The following GUCA1C variants were observed in gnomAD, a reference collection of about 807,000 sequenced individuals.
GUCA1C encodes the protein guanylyl cyclase-activating protein 3.
Under a neutral mutation model 16.2 loss-of-function variants are expected in GUCA1C, and 15 were observed. The ratio of observed to expected loss-of-function variants is 0.93; its 90% CI spans 0.62 to 1.43. The LOEUF is 1.43. GUCA1C is among the 40% of genes most tolerant of loss of function. GUCA1C has a pLI of 0.00. For synonymous variants in GUCA1C, 78 were observed against 85.4 expected (o/e 0.91, Z 0.48); for missense variants, 275 against 244.8 (o/e 1.12, Z -0.82).
At chr3:108,925,668 G>A (rs2593975) in intron 1 of GUCA1C, among the ~76,000 whole-genome samples, 38,280 of 152,078 alleles carry the variant, frequency 0.25, 5,344 homozygotes, top group Middle Eastern at 0.36. Context: ...TAAGTTCATT[G>A]TTTCTTTGTT....
At chr3:108,928,535 T>C (rs1158990456) in intron 1 of GUCA1C, among the ~76,000 whole-genome samples, 1 of 152,242 alleles carries the variant, frequency 6.6e-6, no homozygotes, top group Admixed American at 6.5e-5. Flanking sequence ...ATCTAGATTT[T>C]CTCCTAAGTT....
chr3:108,913,666 G>A (rs1041771443), intron 3 of GUCA1C, among the ~76,000 whole-genome samples: 2 of 152,136 alleles, frequency 1.3e-5, no homozygotes, highest in African/African-American at 4.8e-5. Flanking sequence ...ACAAAAGCAA[G>A]TTCTATCAGT....
At chr3:108,935,234 C>G (rs2107303754) in intron 1 of GUCA1C, among the ~76,000 whole-genome samples, 1 of 151,954 alleles carries the variant, frequency 6.6e-6, no homozygotes, top group Non-Finnish European at 1.5e-5. Flanking sequence ...GAAAAACTAC[C>G]TATTGGGTAC....
chr3:108,935,951 A>C (rs111858350), intron 1 of GUCA1C, among the ~76,000 whole-genome samples: 9 of 152,264 alleles, frequency 5.9e-5, no homozygotes, highest in African/African-American at 2.2e-4. Context: ...ATTTGTAGGC[A>C]GGTACAAAGT....
chr3:108,943,336 C>A (rs1946807377), intron 1 of GUCA1C, among the ~76,000 whole-genome samples: 1 of 152,150 alleles, frequency 6.6e-6, no homozygotes, highest in Admixed American at 6.5e-5. Context: ...TGATTCACCT[C>A]CTGGGTAGAG....
At chr3:108,938,775 CTGT>C (rs1444639653) in intron 1 of GUCA1C, among the ~76,000 whole-genome samples, 1 of 152,220 alleles carries the variant, frequency 6.6e-6, no homozygotes, top group Non-Finnish European at 1.5e-5. Flanking sequence ...AGATCACACA[CTGT>C]TGTTCTTGAC....
intron 1 of GUCA1C, among the ~76,000 whole-genome samples, chr3:108,924,396 A>G (rs531280763): frequency 6.6e-6 from 1 of 152,170 alleles, no homozygotes; most frequent in Non-Finnish European, 1.5e-5. Context: ...GTCTATTGAC[A>G]TGATCATGTG....
chr3:108,920,749 T>C (rs1241684269), intron 1 of GUCA1C, among the ~76,000 whole-genome samples, 164 bp from the exon 2 acceptor site: 1 of 152,180 alleles, frequency 6.6e-6, no homozygotes, highest in Non-Finnish European at 1.5e-5. Context: ...AAAAAGTTTA[T>C]AGACACAAGT....
intron 1 of GUCA1C, among the ~76,000 whole-genome samples, chr3:108,935,221 G>T (rs1202257682): frequency 6.6e-6 from 1 of 151,910 alleles, no homozygotes; most frequent in African/African-American, 2.4e-5. Flanking sequence ...GGGAGCAGGT[G>T]TTGAAAAACT....
intron 1 of GUCA1C, among the ~76,000 whole-genome samples, chr3:108,933,551 G>C (rs2107301578): frequency 6.6e-6 from 1 of 152,196 alleles, no homozygotes; most frequent in African/African-American, 2.4e-5. Flanking sequence ...TCAAATTTAA[G>C]GTTTCTTCTG....
chr3:108,934,569 A>G (rs1278527282), intron 1 of GUCA1C, among the ~76,000 whole-genome samples: 2 of 152,174 alleles, frequency 1.3e-5, no homozygotes, highest in African/African-American at 4.8e-5. Flanking sequence ...ATGCACTTGT[A>G]AGTTCACAAC....
At chr3:108,914,598 T>C (rs1159092206) in intron 3 of GUCA1C, among the ~76,000 whole-genome samples, 1 of 152,204 alleles carries the variant, frequency 6.6e-6, no homozygotes, top group Non-Finnish European at 1.5e-5. Context: ...TCTTAAAACT[T>C]TGTGATGTCC....
At chr3:108,942,086 T>A (rs767290961) in intron 1 of GUCA1C, among the ~76,000 whole-genome samples, 2 of 152,232 alleles carry the variant, frequency 1.3e-5, no homozygotes, top group Non-Finnish European at 2.9e-5. Context: ...AGCATTCTAA[T>A]CCTGATGTGT....
chr3:108,941,038 A>G (rs1023434519), intron 1 of GUCA1C, among the ~76,000 whole-genome samples: 82 of 151,088 alleles, frequency 5.4e-4, no homozygotes, highest in African/African-American at 2.0e-3. Flanking sequence ...TTCATATCAT[A>G]AAGAGATTCC....
At position 108,943,991 on chromosome 3, in the gene GUCA1C, TATA is replaced by T. The variant is rs944152381; in HGVS notation, c.204+9565_204+9567del. On this transcript the variant is annotated intron_variant, in intron 1 of 3. Transcript: ENST00000261047. ...AAAAATTTTTAATTAAATAAATAAA[TATA>T]ATGATAAACCAAATTTAAAATAAGC... Among the ~76,000 whole-genome samples, 8 of 148,718 alleles carry T rather than the reference TATA, an allele frequency of 5.4e-5. No homozygotes were observed. In the South Asian group the frequency reaches 8.7e-4, roughly 16 times the overall value.
At chr3:108,933,760 A>C (rs966409738) in intron 1 of GUCA1C, among the ~76,000 whole-genome samples, 3 of 152,216 alleles carry the variant, frequency 2.0e-5, no homozygotes, top group Admixed American at 6.5e-5. Flanking sequence ...GCCACTACAG[A>C]AAGCAGTTTG....
intron 1 of GUCA1C, among the ~76,000 whole-genome samples, chr3:108,941,644 T>C (rs1946786299): frequency 6.6e-6 from 1 of 152,224 alleles, no homozygotes; most frequent in Non-Finnish European, 1.5e-5. Flanking sequence ...AGTTTTGGCC[T>C]AGTTTAAGGG....
chr3:108,932,442 C>T (rs1308770754), intron 1 of GUCA1C, among the ~76,000 whole-genome samples: 1 of 151,844 alleles, frequency 6.6e-6, no homozygotes, highest in African/African-American at 2.4e-5. Context: ...ATTGGAGAAC[C>T]ATGGACCTAA....
At chr3:108,908,352 T>TAA (rs1468970590) in intron 3 of GUCA1C, 143 bp from the exon 4 acceptor site, 5,929 of 346,732 alleles carry the variant, frequency 0.017, 457 homozygotes, top group African/African-American at 0.15. Context: ...GATCTTCATT[T>TAA]AAACAAAAAA....
Sources: allele counts gnomAD v4.1 joint callset (sites outside exome capture counted in the v4.1 genomes callset), GRCh38; gene constraint gnomAD v4.1.1; transcripts MANE v1.5; gene names NCBI Gene and HGNC (gene_info 2026-07-23, HGNC 2026-07-21).